ZNF776: variants seen among roughly 807,000 people sequenced by gnomAD.
ZNF776 encodes the protein zinc finger protein 776.
In ZNF776, 4 loss-of-function variants were observed where a neutral mutation model predicts 7.0. The ratio of observed to expected loss-of-function variants is 0.57; its 90% CI spans 0.28 to 1.31. ZNF776 has a LOEUF of 1.31. Ranked by LOEUF, ZNF776 falls within the 50% of genes most tolerant of loss-of-function variation. The pLI is 0.10. For missense variants in ZNF776, 555 were observed against 625.9 expected (o/e 0.89, Z 1.21); for synonymous variants, 212 against 213.7 (o/e 0.99, Z 0.07).
rs1032029866 is a variant in ZNF776, at chr19:57,756,130, A to C, written c.*1443A>C. 1 of 152,222 alleles carries C rather than the reference A, an allele frequency of 6.6e-6. No homozygotes were observed. The highest frequency in any genetic ancestry group is 2.4e-5 in the African/African-American group (1 of 41,458). The allele number at this position is 152,222 out of a possible 1,614,324, so 9.4% of individuals were successfully genotyped here. A position where few individuals can be genotyped will look rare whatever the true frequency, so the allele number is the denominator to read the frequency against. The stretch of plus-strand genomic sequence containing the variant: ...TACAAATTTGTGTTGGGCTGCATTC[A>C]AAGCTGTCCTGAGATACATGCGGCC... On this transcript the variant is annotated 3_prime_UTR_variant, in exon 3 of 3. Coordinates refer to ENST00000317178, the MANE Select transcript of ZNF776 (RefSeq NM_173632.4).
At chr19:57,751,996 C>T (rs1986624619) in intron 2 of ZNF776, among the ~76,000 whole-genome samples, 1 of 150,872 alleles carries the variant, frequency 6.6e-6, no homozygotes, top group Non-Finnish European at 1.5e-5. Context: ...CTCAGCCTCC[C>T]GAGTAGCTGG....
At chr19:57,748,571 GGTA>G (rs1230513406) in intron 1 of ZNF776, among the ~76,000 whole-genome samples, 1 of 152,090 alleles carries the variant, frequency 6.6e-6, no homozygotes, top group Non-Finnish European at 1.5e-5. Context: ...AGATTCTGGT[GGTA>G]AATCTTTTAG....
Position 57,754,678 on chromosome 19 carries a change from T to C in ZNF776, c.1548T>C (p.His516=), listed in dbSNP as rs930374453. Residue 516 remains histidine (H), a synonymous_variant, in exon 3 of 3, where the codon CAT becomes CAC. Coordinates refer to ENST00000317178, the MANE Select transcript of ZNF776 (RefSeq NM_173632.4). ...GAGTTCACACGGGAGAAAGACATCATGAATGTTGAAAATTTGGCAGATCTG... is the reference window on the plus strand; with the variant it reads ...GAGTTCACACGGGAGAAAGACATCACGAATGTTGAAAATTTGGCAGATCTG... ...HQRVHTGERH[H]EC The C allele has an allele frequency of 1.2e-6, 2 of 1,607,194 alleles. No individual in the cohort carries two copies. Among genetic ancestry groups the C allele is most frequent in the African/African-American group, 1.3e-5 (1 of 74,744 alleles).
rs889578017 is a variant in ZNF776 at position 57,756,825 on chromosome 19, T to C, written c.*2138T>C. 13 of 453,050 alleles carry C rather than the reference T, an allele frequency of 2.9e-5. No homozygotes were observed. The highest frequency in any genetic ancestry group is 1.2e-4 in the African/African-American group (6 of 49,984). 28.1% of individuals were successfully genotyped at this position (453,050 alleles called of 1,614,324 possible). A position where few individuals can be genotyped will look rare whatever the true frequency, so the allele number is the denominator to read the frequency against. On this transcript the variant is annotated 3_prime_UTR_variant, in exon 3 of 3. Coordinates refer to ENST00000317178, the MANE Select transcript of ZNF776 (RefSeq NM_173632.4). Reference sequence around the variant, plus strand: ...TTCTGTAGGATAGTGTCCTACGTTATAAGCCTGGAGAAAGAAATCATAATT... The same window carrying C: ...TTCTGTAGGATAGTGTCCTACGTTACAAGCCTGGAGAAAGAAATCATAATT...
At chr19:57,752,403 C>G (rs887232112) in intron 2 of ZNF776, among the ~76,000 whole-genome samples, 2 of 152,140 alleles carry the variant, frequency 1.3e-5, no homozygotes, top group Non-Finnish European at 2.9e-5. Flanking sequence ...TTGTCTTTCT[C>G]TTATTCTTTA....
chr19:57,754,259 G>A lies in ZNF776; in HGVS notation c.1129G>A (p.Glu377Lys), dbSNP rs200118976. The part of the protein sequence containing the change: ...QRVHTGERPF[E>K]CTACGKLFRS... Reference sequence around the variant, plus strand: ...AGTTCACACTGGAGAAAGACCTTTTGAGTGTACGGCATGTGGGAAGTTATT... The same window carrying A: ...AGTTCACACTGGAGAAAGACCTTTTAAGTGTACGGCATGTGGGAAGTTATT... Residue 377 changes from glutamate (E) to lysine (K), a missense_variant, in exon 3 of 3, where the codon GAG becomes AAG. Physicochemically the swap from Glu to Lys is moderately conservative, Grantham distance 56. Transcript: ENST00000317178. 1 of 1,613,684 alleles carries A rather than the reference G, an allele frequency of 6.2e-7. No individual in the cohort carries two copies. The highest frequency in any genetic ancestry group is 1.3e-5 in the African/African-American group (1 of 74,798).
rs764510974 is a variant in ZNF776 at position 57,754,605 on chromosome 19, A to T, written c.1475A>T (p.Glu492Val). The change falls in exon 3 of 3, where the codon GAA (glutamate) becomes GTA (valine). Residue 492 changes from glutamate to valine, a missense_variant. Transcript: ENST00000317178. ...GGAGAAAGGCCACATGAGTGTGGAG[A>T]ATGTGGAAAGTGTTTTCGTCAAAAG... ...HSGERPHECGECGKCFRQKGN... is the reference protein window; with the variant it reads ...HSGERPHECGVCGKCFRQKGN... The T allele has an allele frequency of 2.5e-6, 4 of 1,614,096 alleles. No homozygotes were observed. The South Asian group carries it at 4.4e-5, about 18-fold the overall frequency.
In ZNF776 at chr19:57,754,357, T is replaced by C. The variant is rs749083133; in HGVS notation, c.1227T>C (p.Cys409=). Residue 409 remains cysteine (C), a synonymous_variant, in exon 3 of 3, where the codon TGT becomes TGC. Transcript: ENST00000317178. ...AAAGACCCTATGAGTGTAAAGAATG[T>C]AGGAAATCATTTAGGTACAAGTCAC... ...TGERPYECKE[C]RKSFRYKSHL... 4 of 1,614,072 alleles carry C rather than the reference T, an allele frequency of 2.5e-6. No homozygotes were observed. Among genetic ancestry groups the C allele is most frequent in the Middle Eastern group, 1.6e-4 (1 of 6,062 alleles).
chr19:57,752,412 T>C (rs1986635558), intron 2 of ZNF776, among the ~76,000 whole-genome samples: 1 of 152,234 alleles, frequency 6.6e-6, no homozygotes. Flanking sequence ...TCTTATTCTT[T>C]ATGTCATCCA....
rs967573051 is a variant in ZNF776 at position 57,746,833 on chromosome 19, T to C, written c.-226T>C. 1 of 442,024 alleles carries C rather than the reference T, an allele frequency of 2.3e-6. No homozygotes were observed. The highest frequency in any genetic ancestry group is 4.1e-6 in the Non-Finnish European group (1 of 245,876). The allele number at this position is 442,024 out of a possible 1,614,324, so 27.4% of individuals were successfully genotyped here. A position where few individuals can be genotyped will look rare whatever the true frequency, so the allele number is the denominator to read the frequency against. On this transcript the variant is annotated 5_prime_UTR_variant, in exon 1 of 3. Transcript: ENST00000317178. ...CTCTACTAGTGGCCATTTTGATTGG[T>C]GTTGGGTGTATTTTCCAGTGAGAGA... is the stretch of plus-strand genomic sequence containing the variant.
chr19:57,747,204 A>G, intron 1 of ZNF776, 113 bp downstream of exon 1: 1 of 1,207,510 alleles, frequency 8.3e-7, no homozygotes, highest in Non-Finnish European at 1.1e-6. Context: ...GCGTCGGGAC[A>G]CTGAGGCGCT....
At chr19:57,750,072 T>C (rs1986554224) in intron 1 of ZNF776, among the ~76,000 whole-genome samples, 1 of 151,952 alleles carries the variant, frequency 6.6e-6, no homozygotes, top group African/African-American at 2.4e-5. Flanking sequence ...CAGAGGCCAA[T>C]GTGGGAGGCA....
chr19:57,747,198 C>T, intron 1 of ZNF776, 107 bp downstream of exon 1: 2 of 1,291,308 alleles, frequency 1.5e-6, no homozygotes, highest in Non-Finnish European at 2.1e-6. Flanking sequence ...AACCCGGCGT[C>T]GGGACACTGA....
rs1986705213 is a variant in ZNF776 at position 57,754,345 on chromosome 19, G to A, written c.1215G>A (p.Glu405=). The A allele has an allele frequency of 3.1e-6, 5 of 1,613,968 alleles. No homozygotes were observed. Among genetic ancestry groups the A allele is most frequent in the Middle Eastern group, 1.7e-4 (1 of 6,058 alleles). Residue 405 remains glutamate (E), a synonymous_variant, in exon 3 of 3, where the codon GAG becomes GAA. Transcript: ENST00000317178. ...TTCACACTGGAGAAAGACCCTATGAGTGTAAAGAATGTAGGAAATCATTTA... is the reference window on the plus strand; with the variant it reads ...TTCACACTGGAGAAAGACCCTATGAATGTAAAGAATGTAGGAAATCATTTA... ...QRVHTGERPY[E]CKECRKSFRY...
chr19:57,753,993 G>C lies in ZNF776; in HGVS notation c.863G>C (p.Gly288Ala). ...ACTGAACACCAGAGAGTTCACACTG[G>C]AGAAAGACCTTATGAGTGTGGAGAA... is the stretch of plus-strand genomic sequence containing the variant. ...HLTEHQRVHT[G>A]ERPYECGECD... is the part of the protein sequence containing the mutation. The change falls in exon 3 of 3, where the codon GGA (glycine) becomes GCA (alanine). Residue 288 changes from glycine to alanine, a missense_variant. Gly to Ala is a moderately conservative substitution (Grantham distance 60, BLOSUM62 0). Transcript: ENST00000317178. 1 of 1,614,234 alleles carries C rather than the reference G, an allele frequency of 6.2e-7. No homozygotes were observed. Among genetic ancestry groups the C allele is most frequent in the Non-Finnish European group, 8.5e-7 (1 of 1,180,044 alleles).
In ZNF776 at chr19:57,756,131, A is replaced by T. The variant is rs953918394; in HGVS notation, c.*1444A>T. The T allele has an allele frequency of 1.3e-5, 2 of 152,242 alleles. No individual in the cohort carries two copies. The highest frequency in any genetic ancestry group is 4.8e-5 in the African/African-American group (2 of 41,466). 9.4% of individuals were successfully genotyped at this position (152,242 alleles called of 1,614,324 possible). On this transcript the variant is annotated 3_prime_UTR_variant, in exon 3 of 3. Transcript: ENST00000317178. ...ACAAATTTGTGTTGGGCTGCATTCA[A>T]AGCTGTCCTGAGATACATGCGGCCC...
chr19:57,756,148 ATGCGGCCCACAAGC>A lies in ZNF776; in HGVS notation c.*1467_*1480del, dbSNP rs1240049277. 6.6e-6 allele frequency: 1 copy of A among 152,192 alleles called. No individual in the cohort carries two copies. Among genetic ancestry groups the A allele is most frequent in the Non-Finnish European group, 1.5e-5 (1 of 68,020 alleles). The allele number at this position is 152,192 out of a possible 1,614,324, so 9.4% of individuals were successfully genotyped here. ...TGCATTCAAAGCTGTCCTGAGATAC[ATGCGGCCCACAAGC>A]TGCGGGTTGGACCAGCTTGGCCTAG... On this transcript the variant is annotated 3_prime_UTR_variant, in exon 3 of 3. Coordinates refer to ENST00000317178, the MANE Select transcript of ZNF776 (RefSeq NM_173632.4).
intron 2 of ZNF776, 89 bp downstream of exon 2, chr19:57,751,000 TCAGGA>T: frequency 6.9e-7 from 1 of 1,440,566 alleles, no homozygotes; most frequent in Non-Finnish European, 9.2e-7. Context: ...TTTCCTCACT[TCAGGA>T]GCCTGGGCAC....
chr19:57,754,632 GA>G lies in ZNF776; in HGVS notation c.1505del (p.Asn502ThrfsTer61). On this transcript the variant is annotated frameshift_variant, in exon 3 of 3. Coordinates refer to ENST00000317178, the MANE Select transcript of ZNF776 (RefSeq NM_173632.4). LOFTEE classifies it low-confidence loss of function (END_TRUNC). ...TGTGGAAAGTGTTTTCGTCAAAAGG[GA>G]AACCTCATTAAACATCAACGAGTTC... ...GECGKCFRQK[G>X]NLIKHQRVHT... 1 of 1,614,048 alleles carries G rather than the reference GA, an allele frequency of 6.2e-7. No individual in the cohort carries two copies. The highest frequency in any genetic ancestry group is 1.7e-5 in the Admixed American group (1 of 60,020).
Sources: allele counts gnomAD v4.1 joint callset (sites outside exome capture counted in the v4.1 genomes callset), GRCh38; gene constraint gnomAD v4.1.1; transcripts MANE v1.5; gene names NCBI Gene and HGNC (gene_info 2026-07-23, HGNC 2026-07-21).